Variants in SLC44A5 observed in about 807,000 individuals in gnomAD.
SLC44A5 encodes solute carrier family 44 member 5.
Under a neutral mutation model 101.8 loss-of-function variants are expected in SLC44A5, and 57 were observed. That is an observed-to-expected ratio of 0.56 (90% CI 0.45 to 0.70). The LOEUF (loss-of-function observed/expected upper bound fraction) is 0.70, where lower values mean the gene tolerates loss of function less well. Ranked by LOEUF, SLC44A5 falls within the 30% of genes least tolerant of loss-of-function variation. The pLI, the probability that SLC44A5 is intolerant of heterozygous loss-of-function variation, is 0.00. For synonymous variants in SLC44A5, 281 were observed against 290.9 expected (o/e 0.97, Z 0.35); for missense variants, 737 against 853.1 (o/e 0.86, Z 1.70).
At chr1:75,702,554 C>A in the SLC44A5 span, among the ~76,000 whole-genome samples, 3 of 152,146 alleles carry the variant, frequency 2.0e-5, no homozygotes, top group East Asian at 1.9e-4. Flanking sequence ...ACCATAAAAA[C>A]CCTAGAAGAA....
intron 2 of SLC44A5, among the ~76,000 whole-genome samples, chr1:75,473,830 C>A (rs1164155895): frequency 6.6e-6 from 1 of 151,854 alleles, no homozygotes; most frequent in African/African-American, 2.4e-5. Context: ...CAACTTTGTC[C>A]AATAGCAAAT....
At chr1:75,680,353 T>C in the SLC44A5 span, among the ~76,000 whole-genome samples, 1 of 152,064 alleles carries the variant, frequency 6.6e-6, no homozygotes, top group East Asian at 1.9e-4. Flanking sequence ...ATTGACCACA[T>C]ACTTGGAAGT....
At chr1:75,334,200 A>G (rs146166197) in intron 4 of SLC44A5, among the ~76,000 whole-genome samples, 56 of 152,314 alleles carry the variant, frequency 3.7e-4, no homozygotes, top group Non-Finnish European at 7.4e-4. Context: ...TCTCAGGTCT[A>G]TGAGAAGCCA....
the SLC44A5 span, among the ~76,000 whole-genome samples, chr1:75,673,689 C>T: frequency 6.6e-6 from 1 of 152,144 alleles, no homozygotes; most frequent in African/African-American, 2.4e-5. Context: ...CTTGTGCCAT[C>T]CTTCCCCAAG....
At chr1:75,317,302 C>G (rs779865144) in intron 4 of SLC44A5, among the ~76,000 whole-genome samples, 2 of 152,232 alleles carry the variant, frequency 1.3e-5, no homozygotes, top group Non-Finnish European at 2.9e-5. Flanking sequence ...AAACCAGGAC[C>G]GAGGCTCTGC....
intron 4 of SLC44A5, among the ~76,000 whole-genome samples, chr1:75,336,576 C>T (rs538330705): frequency 1.8e-4 from 28 of 152,240 alleles, no homozygotes; most frequent in African/African-American, 6.7e-4. Context: ...CTCTAAAACC[C>T]GAGATGATAA....
intron 3 of SLC44A5, among the ~76,000 whole-genome samples, chr1:75,386,275 G>A (rs889868352): frequency 6.6e-6 from 1 of 152,120 alleles, no homozygotes; most frequent in Non-Finnish European, 1.5e-5. Context: ...AATTGTCCCT[G>A]TTTGCAGATG....
At chr1:75,222,304 G>T in intron 14 of SLC44A5, 57 bp downstream of exon 14, 1 of 1,272,248 alleles carries the variant, frequency 7.9e-7, no homozygotes, top group Non-Finnish European at 1.1e-6. Flanking sequence ...GCAAGGGACA[G>T]TGACTGATTT....
chr1:75,477,674 A>T (rs1329163612), intron 2 of SLC44A5, among the ~76,000 whole-genome samples: 6 of 152,236 alleles, frequency 3.9e-5, no homozygotes, highest in African/African-American at 1.4e-4. Context: ...GAAAAGAATG[A>T]AATGAAACGA....
rs1194983163 is a variant in SLC44A5, at chr1:75,202,973, A to G, written c.*754T>C. 6.6e-6 allele frequency: 1 copy of G among 152,252 alleles called. No homozygotes were observed. Among genetic ancestry groups the G allele is most frequent in the African/African-American group, 2.4e-5 (1 of 41,480 alleles). 9.4% of individuals were successfully genotyped at this position (152,252 alleles called of 1,614,324 possible). ...GCAAGGGAAATTGTTTAGCTGCACAATGTATTCCATAATAGTGAGGATATC... is the reference window on the plus strand; with the variant it reads ...GCAAGGGAAATTGTTTAGCTGCACAGTGTATTCCATAATAGTGAGGATATC... On this transcript the variant is annotated 3_prime_UTR_variant, in exon 24 of 24. Coordinates refer to ENST00000370859, the MANE Select transcript of SLC44A5 (RefSeq NM_001130058.2).
At chr1:75,483,337 A>C (rs906039101) in intron 2 of SLC44A5, among the ~76,000 whole-genome samples, 1 of 152,058 alleles carries the variant, frequency 6.6e-6, no homozygotes, top group African/African-American at 2.4e-5. Flanking sequence ...AAAGTTCTAA[A>C]CCTCAAAAAA....
At chr1:75,467,266 T>C (rs1666876293) in intron 2 of SLC44A5, among the ~76,000 whole-genome samples, 1 of 152,054 alleles carries the variant, frequency 6.6e-6, no homozygotes, top group South Asian at 2.1e-4. Flanking sequence ...CAAAGCAAGC[T>C]ACAGATTCAA....
chr1:75,665,363 C>A, the SLC44A5 span, among the ~76,000 whole-genome samples: 1 of 152,012 alleles, frequency 6.6e-6, no homozygotes, highest in Non-Finnish European at 1.5e-5. Flanking sequence ...AAAGAACTCT[C>A]TATTCAATAA....
At chr1:75,469,532 A>G (rs942822649) in intron 2 of SLC44A5, among the ~76,000 whole-genome samples, 1 of 152,174 alleles carries the variant, frequency 6.6e-6, no homozygotes, top group Non-Finnish European at 1.5e-5. Context: ...CAGTGTGTGT[A>G]GAACTTAGGG....
chr1:75,612,570 C>T (rs1158303646), upstream of SLC44A5, among the ~76,000 whole-genome samples: 3 of 152,134 alleles, frequency 2.0e-5, no homozygotes, highest in Non-Finnish European at 4.4e-5. Flanking sequence ...TTTATTTCTC[C>T]TGGTATTAAT....
chr1:75,582,357 G>C, intron 1 of SLC44A5: 1 of 1,095,842 alleles, frequency 9.1e-7, no homozygotes. Flanking sequence ...ATCCCAAAGG[G>C]TGTCAGCCAC....
chr1:75,693,269 T>C, the SLC44A5 span, among the ~76,000 whole-genome samples: 7 of 152,178 alleles, frequency 4.6e-5, no homozygotes, highest in Non-Finnish European at 7.3e-5. Flanking sequence ...GATAGCAGTT[T>C]TCAGTATTGG....
At chr1:75,249,198 AG>A (rs542595052) in intron 7 of SLC44A5, among the ~76,000 whole-genome samples, 62 of 152,208 alleles carry the variant, frequency 4.1e-4, no homozygotes, top group African/African-American at 1.4e-3. Context: ...AAAGTCTTTG[AG>A]GGAGATGAGG....
At chr1:75,697,955 A>T in the SLC44A5 span, among the ~76,000 whole-genome samples, 2 of 152,176 alleles carry the variant, frequency 1.3e-5, no homozygotes, top group African/African-American at 4.8e-5. Flanking sequence ...GGGCTTAAAA[A>T]ACCATGCACC....
Sources: allele counts gnomAD v4.1 joint callset (sites outside exome capture counted in the v4.1 genomes callset), GRCh38; gene constraint gnomAD v4.1.1; transcripts MANE v1.5; gene names NCBI Gene and HGNC (gene_info 2026-07-23, HGNC 2026-07-21).